Variants in CFAP299 observed in about 807,000 individuals in gnomAD.
CFAP299 encodes the protein cilia- and flagella-associated protein 299.
CFAP299 carries 21 observed loss-of-function variants against 27.0 expected under a neutral mutation model. That is an observed-to-expected ratio of 0.78 (90% confidence interval 0.55 to 1.12). CFAP299 has a LOEUF of 1.12. CFAP299 is among the 50% of genes most tolerant of loss of function. The pLI is 0.00. For missense variants in CFAP299, 310 were observed against 276.6 expected, an observed-to-expected ratio of 1.12 and a Z score of -0.86; for synonymous variants, 104 against 98.1, an observed-to-expected ratio of 1.06 and a Z score of -0.36.
chr4:80,397,839 C>A (rs1328023878), intron 2 of CFAP299, among the ~76,000 whole-genome samples: 3 of 152,026 alleles, frequency 2.0e-5, no homozygotes, highest in African/African-American at 4.8e-5. Context: ...CTGGCCAGGG[C>A]AATCAGGCAG....
chr4:80,456,136 G>A (rs1255415919), intron 2 of CFAP299, among the ~76,000 whole-genome samples: 1 of 152,086 alleles, frequency 6.6e-6, no homozygotes, highest in African/African-American at 2.4e-5. Flanking sequence ...CCATGAGATA[G>A]TTAGGAAAAG....
At chr4:80,391,545 G>A (rs1378747397) in intron 2 of CFAP299, among the ~76,000 whole-genome samples, 1 of 152,094 alleles carries the variant, frequency 6.6e-6, no homozygotes, top group Non-Finnish European at 1.5e-5. Flanking sequence ...CGTATGCAAG[G>A]TGGTCCCATA....
At chr4:80,658,044 G>C (rs1740653753) in intron 3 of CFAP299, among the ~76,000 whole-genome samples, 1 of 152,182 alleles carries the variant, frequency 6.6e-6, no homozygotes, top group South Asian at 2.1e-4. Flanking sequence ...TCTATTATTG[G>C]TGTGTAGCAA....
At chr4:80,902,401 C>A (rs1734946825) in intron 4 of CFAP299, among the ~76,000 whole-genome samples, 1 of 117,860 alleles carries the variant, frequency 8.5e-6, no homozygotes, top group African/African-American at 4.2e-5. Flanking sequence ...ATGAAATATA[C>A]TTTATATAAA....
At chr4:80,914,933 C>T (rs1735670069) in intron 4 of CFAP299, among the ~76,000 whole-genome samples, 1 of 151,996 alleles carries the variant, frequency 6.6e-6, no homozygotes, top group African/African-American at 2.4e-5. Flanking sequence ...TTTGGTTTCG[C>T]AGATGTTCAT....
chr4:80,447,130 G>GTTTTTTTTT (rs1553923883), intron 2 of CFAP299, among the ~76,000 whole-genome samples: 6 of 105,316 alleles, frequency 5.7e-5, no homozygotes, highest in African/African-American at 1.8e-4. Flanking sequence ...TTTTTTTTTT[G>GTTTTTTTTT]TTTTTTTTTT....
chr4:80,620,312 T>C (rs1738517647), intron 3 of CFAP299, among the ~76,000 whole-genome samples: 1 of 152,114 alleles, frequency 6.6e-6, no homozygotes, highest in Non-Finnish European at 1.5e-5. Context: ...TTATACCATG[T>C]ATAACTTTTT....
At chr4:80,865,645 C>T (rs1369431520) in intron 3 of CFAP299, among the ~76,000 whole-genome samples, 3 of 151,942 alleles carry the variant, frequency 2.0e-5, no homozygotes, top group African/African-American at 7.3e-5. Flanking sequence ...TTTTAGCAAA[C>T]TTTTTAAAAA....
chr4:80,444,827 T>C (rs1728536498), intron 2 of CFAP299, among the ~76,000 whole-genome samples: 1 of 151,950 alleles, frequency 6.6e-6, no homozygotes, highest in African/African-American at 2.4e-5. Context: ...TAAACAAATT[T>C]ACAAGAAAAA....
At chr4:80,483,152 T>C (rs1177414597) in intron 2 of CFAP299, among the ~76,000 whole-genome samples, 1 of 152,064 alleles carries the variant, frequency 6.6e-6, no homozygotes. Context: ...GAGGCCAGGG[T>C]TGTTTGATGT....
intron 1 of CFAP299, among the ~76,000 whole-genome samples, chr4:80,349,361 A>G (rs1387215010): frequency 6.6e-6 from 1 of 152,246 alleles, no homozygotes; most frequent in Non-Finnish European, 1.5e-5. Context: ...ATGCAATACA[A>G]ATTCACTACA....
intron 3 of CFAP299, among the ~76,000 whole-genome samples, chr4:80,667,468 A>G (rs987755726): frequency 7.9e-5 from 12 of 152,262 alleles, no homozygotes; most frequent in African/African-American, 2.6e-4. Context: ...GTATTCATTA[A>G]TCAACCTCTC....
chr4:80,617,763 A>G (rs1302284644), intron 3 of CFAP299, among the ~76,000 whole-genome samples: 1 of 152,160 alleles, frequency 6.6e-6, no homozygotes, highest in East Asian at 1.9e-4. Context: ...CTAAGGGATA[A>G]CCAATGTGCC....
chr4:80,870,960 G>T, intron 4 of CFAP299: 1 of 831,528 alleles, frequency 1.2e-6, no homozygotes, highest in Non-Finnish European at 1.4e-6. Context: ...AGGCTGGAGT[G>T]CAATGGTGCA....
chr4:80,372,248 C>T (rs888863380), intron 2 of CFAP299, among the ~76,000 whole-genome samples: 5 of 152,234 alleles, frequency 3.3e-5, no homozygotes, highest in Non-Finnish European at 7.3e-5. Context: ...AACTCACTGT[C>T]ACAAGGACAG....
chr4:80,690,018 C>T (rs866955324), intron 3 of CFAP299, among the ~76,000 whole-genome samples: 226 of 144,940 alleles, frequency 1.6e-3, no homozygotes, highest in African/African-American at 3.9e-3. Context: ...ATGCACCCAA[C>T]ACAGGAGCAC....
intron 2 of CFAP299, among the ~76,000 whole-genome samples, chr4:80,374,180 ACT>A (rs1288116745): frequency 6.6e-6 from 1 of 151,872 alleles, no homozygotes; most frequent in Non-Finnish European, 1.5e-5. Context: ...ATGTGAATAA[ACT>A]CTGACTTATT....
chr4:80,822,907 T>C (rs1309388862), intron 3 of CFAP299, among the ~76,000 whole-genome samples: 1 of 152,172 alleles, frequency 6.6e-6, no homozygotes, highest in Non-Finnish European at 1.5e-5. Flanking sequence ...TTTGTTTTTG[T>C]CTCTTTTTTT....
chr4:80,692,448 G>T (rs935156172), intron 3 of CFAP299, among the ~76,000 whole-genome samples: 1 of 152,200 alleles, frequency 6.6e-6, no homozygotes, highest in African/African-American at 2.4e-5. Flanking sequence ...ATGGGGAAAG[G>T]ATTCCCTATT....
Sources: gnomAD v4.1 joint callset for allele counts (sites outside exome capture counted in the v4.1 genomes callset) on GRCh38, gnomAD v4.1.1 for gene constraint, MANE v1.5 for transcripts, NCBI Gene and HGNC (gene_info 2026-07-23, HGNC 2026-07-21) for gene names.